Variants in MYO1E observed in about 807,000 individuals in gnomAD.
MYO1E encodes unconventional myosin-Ie.
Under a neutral mutation model 151.1 loss-of-function variants are expected in MYO1E, and 68 were observed. The observed-to-expected ratio is 0.45, with a 90% CI of 0.37 to 0.55. The LOEUF is 0.55. MYO1E is among the 20% of genes least tolerant of loss of function. The pLI, the probability that MYO1E is intolerant of heterozygous loss-of-function variation, is 0.00. For missense variants in MYO1E, 1,363 were observed against 1,389.3 expected, an observed-to-expected ratio of 0.98 and a Z score of 0.30; for synonymous variants, 601 against 501.7, an observed-to-expected ratio of 1.20 and a Z score of -2.64.
chr15:59,218,441 G>A (rs2140346179), intron 9 of MYO1E: 1 of 397,346 alleles, frequency 2.5e-6, no homozygotes, highest in South Asian at 2.1e-5. Context: ...ACGACAGCCA[G>A]GAAGGAACTC....
chr15:59,216,685 TACACATACAC>T (rs2079920108), intron 10 of MYO1E, among the ~76,000 whole-genome samples: 22 of 38,656 alleles, frequency 5.7e-4, no homozygotes, highest in Admixed American at 8.3e-4. Context: ...TATATATATA[TACACATACAC>T]ACACACACAC....
At chr15:59,250,997 C>G in intron 4 of MYO1E, among the ~76,000 whole-genome samples, 1 of 152,112 alleles carries the variant, frequency 6.6e-6, no homozygotes, top group East Asian at 1.9e-4. Flanking sequence ...AAGACCATTC[C>G]CATCCCACTC....
chr15:59,209,445 A>AGGG (rs538889288), intron 13 of MYO1E, among the ~76,000 whole-genome samples: 32 of 134,368 alleles, frequency 2.4e-4, no homozygotes, highest in African/African-American at 7.2e-4. Flanking sequence ...TAGGAGGCCG[A>AGGG]GGGGGGTGGA....
At position 59,134,696 on chromosome 15, in the gene MYO1E, C is replaced by T. The variant is rs902017367; in HGVS notation, c.*2684G>A. 2 of 152,214 alleles carry T rather than the reference C, an allele frequency of 1.3e-5. No homozygotes were observed. Among genetic ancestry groups the T allele is most frequent in the African/African-American group, 4.8e-5 (2 of 41,444 alleles). The allele number at this position is 152,214 out of a possible 1,614,324, so 9.4% of individuals were successfully genotyped here. A position where few individuals can be genotyped will look rare whatever the true frequency, so the allele number is the denominator to read the frequency against. ...TTATACTGTGTTTGATACTGCTATA[C>T]ACGTTGCTGTGTGTGCACATGAACA... On this transcript the variant is annotated 3_prime_UTR_variant, in exon 28 of 28. Coordinates refer to ENST00000288235, the MANE Select transcript of MYO1E (RefSeq NM_004998.4).
At chr15:59,227,011 T>C (rs1339500000) in intron 7 of MYO1E, among the ~76,000 whole-genome samples, 1 of 152,208 alleles carries the variant, frequency 6.6e-6, no homozygotes, top group Non-Finnish European at 1.5e-5. Flanking sequence ...TGGAGACGCC[T>C]GCCCTGCAGG....
intron 15 of MYO1E, among the ~76,000 whole-genome samples, chr15:59,204,864 G>C (rs1003743217): frequency 4.6e-5 from 7 of 152,140 alleles, no homozygotes; most frequent in Non-Finnish European, 8.8e-5. Context: ...CATAGAACCA[G>C]ACTGTTCCAC....
chr15:59,259,289 G>A (rs182115685), intron 3 of MYO1E, among the ~76,000 whole-genome samples: 7 of 152,260 alleles, frequency 4.6e-5, no homozygotes, highest in South Asian at 2.1e-4. Context: ...AGAGTAGAGC[G>A]GACCTCCTCC....
At chr15:59,248,050 C>T (rs1388648730) in intron 4 of MYO1E, among the ~76,000 whole-genome samples, 1 of 145,834 alleles carries the variant, frequency 6.9e-6, no homozygotes, top group African/African-American at 2.6e-5. Context: ...ATCACTTGAA[C>T]CCAGGAAGCA....
chr15:59,363,351 A>C (rs138741358), intron 1 of MYO1E, among the ~76,000 whole-genome samples: 3 of 152,176 alleles, frequency 2.0e-5, no homozygotes, highest in Non-Finnish European at 2.9e-5. Flanking sequence ...GTCCCAAAGC[A>C]AGGAAATTAA....
intron 4 of MYO1E, 103 bp from the exon 5 acceptor site, chr15:59,236,775 A>T (rs1439832689): frequency 8.6e-7 from 1 of 1,157,558 alleles, no homozygotes; most frequent in African/African-American, 1.6e-5. Context: ...CAAAAAAACA[A>T]AAAAAACAGG....
At chr15:59,157,046 G>C (rs1466730352) in intron 25 of MYO1E, among the ~76,000 whole-genome samples, 3 of 151,726 alleles carry the variant, frequency 2.0e-5, no homozygotes, top group Non-Finnish European at 4.4e-5. Flanking sequence ...AACACAGTGA[G>C]ACTCCGTGTC....
At chr15:59,224,965 A>T in intron 7 of MYO1E, 142 bp from the exon 8 acceptor site, 1 of 1,090,792 alleles carries the variant, frequency 9.2e-7, no homozygotes. Flanking sequence ...CCAAATATGT[A>T]CTTGTAGTAG....
chr15:59,355,666 C>T (rs781011550), intron 1 of MYO1E, among the ~76,000 whole-genome samples: 7 of 152,108 alleles, frequency 4.6e-5, no homozygotes, highest in Admixed American at 1.3e-4. Context: ...TTGTCTAATG[C>T]GCAATCCCAT....
At chr15:59,296,826 C>G (rs1027455595) in intron 1 of MYO1E, among the ~76,000 whole-genome samples, 4 of 149,382 alleles carry the variant, frequency 2.7e-5, no homozygotes, top group Non-Finnish European at 5.9e-5. Context: ...ACAAAGAATT[C>G]ACATACTTTT....
At position 59,181,449 on chromosome 15, in the gene MYO1E, A is replaced by T. The variant is rs149994619; in HGVS notation, c.1905-2912T>A. On this transcript the variant is annotated intron_variant, in intron 18 of 27. Transcript: ENST00000288235. ...TCCAAGACACAACATGGCTATTTGTAACAGTTTTTTAACACTTTCTGAAGG... is the reference window on the plus strand; with the variant it reads ...TCCAAGACACAACATGGCTATTTGTTACAGTTTTTTAACACTTTCTGAAGG... 2.6e-3 allele frequency among the ~76,000 whole-genome samples: 393 copies of T among 152,336 alleles called. 3 individuals are homozygous for T. The highest frequency in any genetic ancestry group is 6.7e-3 in the African/African-American group (279 of 41,568).
chr15:59,205,609 C>T, intron 14 of MYO1E, 124 bp from the exon 15 acceptor site: 1 of 834,620 alleles, frequency 1.2e-6, no homozygotes, highest in South Asian at 1.4e-5. Context: ...TGGCTACCCT[C>T]ACCACAACAT....
At chr15:59,231,325 C>T (rs1407550709) in intron 6 of MYO1E, among the ~76,000 whole-genome samples, 2 of 152,160 alleles carry the variant, frequency 1.3e-5, no homozygotes, top group East Asian at 3.9e-4. Flanking sequence ...GAAGCAAAAC[C>T]ACTGCCAGTG....
chr15:59,246,857 A>G (rs1009379700), intron 4 of MYO1E, among the ~76,000 whole-genome samples: 1 of 152,188 alleles, frequency 6.6e-6, no homozygotes, highest in Non-Finnish European at 1.5e-5. Flanking sequence ...TAATGTGTCA[A>G]TAAGGTCATG....
intron 9 of MYO1E, among the ~76,000 whole-genome samples, chr15:59,220,411 T>C (rs909626611): frequency 1.6e-4 from 24 of 152,212 alleles, no homozygotes; most frequent in African/African-American, 4.8e-4. Flanking sequence ...ATAGCGCCAC[T>C]GCGCTCCAGC....
Sources: gnomAD v4.1 joint callset for allele counts (sites outside exome capture counted in the v4.1 genomes callset) on GRCh38, gnomAD v4.1.1 for gene constraint, MANE v1.5 for transcripts, NCBI Gene and HGNC (gene_info 2026-07-23, HGNC 2026-07-21) for gene names.